INPP4B: variants seen among roughly 807,000 people sequenced by gnomAD.
The protein encoded by INPP4B is inositol polyphosphate 4-phosphatase type II.
A neutral mutation model predicts 122.5 loss-of-function variants in INPP4B; 55 were observed. The ratio of observed to expected loss-of-function variants is 0.45; its 90% CI spans 0.36 to 0.56. The LOEUF (loss-of-function observed/expected upper bound fraction) is 0.56, where lower values mean the gene tolerates loss of function less well. Among genes scored for constraint, INPP4B ranks in the 20% least tolerant of loss-of-function variants. The pLI, the probability that INPP4B is intolerant of heterozygous loss-of-function variation, is 0.00. For synonymous variants in INPP4B, 403 were observed against 388.7 expected, an observed-to-expected ratio of 1.04 and a Z score of -0.43; for missense variants, 1,000 against 1,097.7, an observed-to-expected ratio of 0.91 and a Z score of 1.26.
intron 7 of INPP4B, among the ~76,000 whole-genome samples, chr4:142,362,660 A>AT (rs1785869947): frequency 8.4e-6 from 1 of 118,640 alleles, no homozygotes; most frequent in African/African-American, 3.2e-5. Flanking sequence ...CACAGCCATA[A>AT]AAAAATGAAA....
At chr4:142,657,442 C>T (rs1754365770) in intron 2 of INPP4B, among the ~76,000 whole-genome samples, 1 of 152,150 alleles carries the variant, frequency 6.6e-6, no homozygotes, top group South Asian at 2.1e-4. Flanking sequence ...CAAACCTTGG[C>T]TGCACTTAGC....
chr4:142,629,688 T>C (rs1747492348), intron 2 of INPP4B, among the ~76,000 whole-genome samples: 2 of 152,104 alleles, frequency 1.3e-5, no homozygotes, highest in Non-Finnish European at 2.9e-5. Flanking sequence ...AGAAGTTCAC[T>C]GTGACAAGAA....
chr4:142,451,378 G>C (rs531048592), intron 3 of INPP4B, among the ~76,000 whole-genome samples: 6 of 150,672 alleles, frequency 4.0e-5, no homozygotes, highest in African/African-American at 1.5e-4. Context: ...AGCCTCCTGA[G>C]TAGCTGGATT....
intron 1 of INPP4B, among the ~76,000 whole-genome samples, chr4:142,791,819 A>C (rs989816263): frequency 2.6e-5 from 4 of 151,944 alleles, no homozygotes; most frequent in Non-Finnish European, 5.9e-5. Flanking sequence ...TCACCCATTG[A>C]CTGCTATCTA....
At chr4:142,255,466 C>T (rs1035021652) in intron 11 of INPP4B, among the ~76,000 whole-genome samples, 18 of 152,124 alleles carry the variant, frequency 1.2e-4, no homozygotes, top group Non-Finnish European at 1.6e-4. Flanking sequence ...ACCCATCTCA[C>T]ATGCAGACAC....
intron 2 of INPP4B, among the ~76,000 whole-genome samples, chr4:142,662,192 G>A (rs1176162105): frequency 2.6e-5 from 4 of 151,326 alleles, no homozygotes; most frequent in Non-Finnish European, 4.4e-5. Flanking sequence ...CCAAGACAGC[G>A]CCATTGCACT....
At chr4:142,836,362 G>C (rs1368693273) in intron 1 of INPP4B, among the ~76,000 whole-genome samples, 4 of 151,940 alleles carry the variant, frequency 2.6e-5, no homozygotes, top group Admixed American at 6.6e-5. Flanking sequence ...ATTTAAGCTT[G>C]TTTGATATAA....
intron 21 of INPP4B, among the ~76,000 whole-genome samples, chr4:142,117,998 AACAG>A (rs1385975573): frequency 3.3e-5 from 5 of 152,298 alleles, no homozygotes; most frequent in African/African-American, 9.6e-5. Context: ...ATACACCAAT[AACAG>A]ACAAACAGAA....
chr4:142,750,560 T>C (rs968298359), intron 1 of INPP4B, among the ~76,000 whole-genome samples: 4 of 152,074 alleles, frequency 2.6e-5, no homozygotes, highest in African/African-American at 4.8e-5. Context: ...TATGTAGATA[T>C]ATAGAAGAGG....
intron 2 of INPP4B, chr4:142,496,847 A>T (rs1285396274): frequency 3.3e-5 from 5 of 152,162 alleles, no homozygotes; most frequent in Non-Finnish European, 7.3e-5. Flanking sequence ...ATGGTTTATC[A>T]AAAGATATAC....
At chr4:142,286,427 AG>A (rs1354758156) in intron 9 of INPP4B, among the ~76,000 whole-genome samples, 2 of 152,214 alleles carry the variant, frequency 1.3e-5, no homozygotes, top group Non-Finnish European at 2.9e-5. Context: ...AAAAACTAAA[AG>A]TTATAGAATT....
chr4:142,447,861 A>G (rs761632769), intron 3 of INPP4B, among the ~76,000 whole-genome samples: 32 of 152,152 alleles, frequency 2.1e-4, no homozygotes, highest in South Asian at 6.2e-4. Flanking sequence ...GGAGGCAGCA[A>G]GGAGGTAGCC....
chr4:142,169,285 T>C (rs1288216159), intron 16 of INPP4B, among the ~76,000 whole-genome samples: 1 of 151,652 alleles, frequency 6.6e-6, no homozygotes, highest in Non-Finnish European at 1.5e-5. Flanking sequence ...ATCTAAACCA[T>C]TTATTCTCAA....
intron 1 of INPP4B, among the ~76,000 whole-genome samples, chr4:142,808,616 T>C (rs1471661575): frequency 6.6e-6 from 1 of 152,182 alleles, no homozygotes; most frequent in Non-Finnish European, 1.5e-5. Flanking sequence ...ATCTAGAACT[T>C]AACAGAGACT....
At chr4:142,588,841 C>T (rs2874870) in intron 2 of INPP4B, among the ~76,000 whole-genome samples, 95,127 of 151,572 alleles carry the variant, frequency 0.63, 31,459 homozygotes, top group East Asian at 0.79. Context: ...AACAGCAACC[C>T]GATTGTAAAT....
intron 7 of INPP4B, among the ~76,000 whole-genome samples, chr4:142,401,517 T>C (rs1205073980): frequency 6.6e-6 from 1 of 152,154 alleles, no homozygotes; most frequent in Non-Finnish European, 1.5e-5. Flanking sequence ...TTAGTAAATA[T>C]AGAAAATTAT....
intron 12 of INPP4B, among the ~76,000 whole-genome samples, chr4:142,236,137 T>C (rs546427200): frequency 6.6e-6 from 1 of 152,324 alleles, no homozygotes; most frequent in East Asian, 1.9e-4. Flanking sequence ...TCTTTCCTTA[T>C]TCTACATAAC....
intron 2 of INPP4B, among the ~76,000 whole-genome samples, chr4:142,505,469 A>G (rs1438523530): frequency 2.0e-5 from 3 of 152,108 alleles, no homozygotes; most frequent in Admixed American, 2.0e-4. Context: ...CAGCCCTGTC[A>G]CCAACTGGAG....
At chr4:142,123,585 A>T (rs1797477743) in intron 19 of INPP4B, among the ~76,000 whole-genome samples, 170 bp from the exon 20 acceptor site, 1 of 152,182 alleles carries the variant, frequency 6.6e-6, no homozygotes, top group Non-Finnish European at 1.5e-5. Context: ...TTGATCTAGA[A>T]TTGCTGTGTA....
Sources: gnomAD v4.1 joint callset for allele counts (sites outside exome capture counted in the v4.1 genomes callset) on GRCh38, gnomAD v4.1.1 for gene constraint, MANE v1.5 for transcripts, NCBI Gene and HGNC (gene_info 2026-07-23, HGNC 2026-07-21) for gene names.